Variants in HYCC1 observed in about 807,000 individuals in gnomAD.
The protein encoded by HYCC1 is hyccin.
chr7:22,984,143 A>G, the HYCC1 span: 2 of 717,374 alleles, frequency 2.8e-6, no homozygotes, highest in South Asian at 3.1e-5. Flanking sequence ...CCAGGACTGC[A>G]GATGGGAGAA....
the HYCC1 span, among the ~76,000 whole-genome samples, chr7:23,010,542 A>C: frequency 6.6e-6 from 1 of 152,352 alleles, no homozygotes. Context: ...ATAAAGGCAC[A>C]CAGGAAACTT....
chr7:22,976,396 C>A, the HYCC1 span: 1 of 904,822 alleles, frequency 1.1e-6, no homozygotes, highest in East Asian at 2.6e-5. Flanking sequence ...GGGAGAGATA[C>A]AATGTTACAG....
chr7:22,967,175 C>T, the HYCC1 span, among the ~76,000 whole-genome samples: 1 of 152,158 alleles, frequency 6.6e-6, no homozygotes, highest in Non-Finnish European at 1.5e-5. Context: ...CCCACAGGGA[C>T]TCACAATCTA....
the HYCC1 span, among the ~76,000 whole-genome samples, chr7:22,924,880 C>T: frequency 6.6e-6 from 1 of 152,222 alleles, no homozygotes; most frequent in South Asian, 2.1e-4. Flanking sequence ...GGGCAGACTG[C>T]CTCCTCAAGT....
the HYCC1 span, among the ~76,000 whole-genome samples, chr7:22,984,666 G>C: frequency 2.7e-4 from 41 of 152,186 alleles, no homozygotes; most frequent in Non-Finnish European, 1.5e-5. Context: ...ACGCTGCAGA[G>C]AGCCATGATT....
At chr7:22,986,214 A>C in the HYCC1 span, among the ~76,000 whole-genome samples, 1 of 152,222 alleles carries the variant, frequency 6.6e-6, no homozygotes, top group Non-Finnish European at 1.5e-5. Context: ...CCAGGCTACC[A>C]CTGATAAATG....
the HYCC1 span, among the ~76,000 whole-genome samples, chr7:22,980,794 T>C: frequency 2.6e-5 from 4 of 152,316 alleles, no homozygotes; most frequent in South Asian, 4.1e-4. Flanking sequence ...GGAGACTTTA[T>C]GTAGGTCTTT....
chr7:22,991,229 A>G, the HYCC1 span: 4 of 807,946 alleles, frequency 5.0e-6, no homozygotes, highest in Non-Finnish European at 7.9e-6. Context: ...TAAAGTTTTT[A>G]CTTCATATTT....
the HYCC1 span, among the ~76,000 whole-genome samples, chr7:22,965,118 A>T: frequency 7.1e-6 from 1 of 141,336 alleles, no homozygotes; most frequent in Non-Finnish European, 1.5e-5. Context: ...TGGGTGACAG[A>T]GTGAGATTCC....
the HYCC1 span, chr7:22,991,232 T>C: frequency 3.8e-6 from 3 of 781,540 alleles, no homozygotes; most frequent in Non-Finnish European, 6.2e-6. Flanking sequence ...AGTTTTTACT[T>C]CATATTTGTG....
At chr7:22,922,150 CTTTATGAATAATAAAGTTAATCTAACTTT>C in the HYCC1 span, among the ~76,000 whole-genome samples, 1 of 151,784 alleles carries the variant, frequency 6.6e-6, no homozygotes, top group African/African-American at 2.4e-5. Flanking sequence ...GTTAATCTAA[CTTTATGAATAATAAAGTTAATCTAACTTT>C]ATGATTAATA....
chr7:22,949,140 C>CTT, the HYCC1 span, among the ~76,000 whole-genome samples: 1 of 152,142 alleles, frequency 6.6e-6, no homozygotes, highest in South Asian at 2.1e-4. Context: ...AAAAGCTAAG[C>CTT]ATAGGCCTAA....
the HYCC1 span, among the ~76,000 whole-genome samples, chr7:22,909,294 C>G: frequency 6.6e-6 from 1 of 152,146 alleles, no homozygotes; most frequent in Non-Finnish European, 1.5e-5. Flanking sequence ...CCTCTTGTTC[C>G]TGCTCCTGCC....
At chr7:22,985,184 T>C in the HYCC1 span, among the ~76,000 whole-genome samples, 2 of 152,234 alleles carry the variant, frequency 1.3e-5, no homozygotes, top group Non-Finnish European at 2.9e-5. Context: ...ACATACATTA[T>C]TCCTTATATG....
At chr7:23,008,941 G>C in the HYCC1 span, among the ~76,000 whole-genome samples, 1 of 152,004 alleles carries the variant, frequency 6.6e-6, no homozygotes, top group African/African-American at 2.4e-5. Flanking sequence ...CCCTTTCTAA[G>C]TAGTGAGGTA....
chr7:23,004,293 G>C, the HYCC1 span, among the ~76,000 whole-genome samples: 1 of 152,078 alleles, frequency 6.6e-6, no homozygotes, highest in Admixed American at 6.5e-5. Flanking sequence ...CATTGTTTTT[G>C]AAGAAAGGGT....
At chr7:22,909,370 A>T in the HYCC1 span, among the ~76,000 whole-genome samples, 1 of 152,080 alleles carries the variant, frequency 6.6e-6, no homozygotes, top group Non-Finnish European at 1.5e-5. Flanking sequence ...CCTTCCCATA[A>T]GCAGATGCTG....
the HYCC1 span, among the ~76,000 whole-genome samples, chr7:22,931,112 G>T: frequency 6.6e-6 from 1 of 151,986 alleles, no homozygotes; most frequent in African/African-American, 2.4e-5. Context: ...TTAGGATGAA[G>T]TCATATAGGA....
chr7:22,903,007 A>G, the HYCC1 span, among the ~76,000 whole-genome samples: 2 of 152,166 alleles, frequency 1.3e-5, no homozygotes, highest in Non-Finnish European at 2.9e-5. Context: ...GCAAATCAAA[A>G]CCACAGTAAG....
Sources: allele counts gnomAD v4.1 joint callset (sites outside exome capture counted in the v4.1 genomes callset), GRCh38; gene constraint gnomAD v4.1.1; transcripts MANE v1.5; gene names NCBI Gene and HGNC (gene_info 2026-07-23, HGNC 2026-07-21).